LYRM1: variants seen among roughly 807,000 people sequenced by gnomAD.
LYRM1 encodes LYR motif containing 1.
Under a neutral mutation model 14.9 loss-of-function variants are expected in LYRM1, and 14 were observed. That is an observed-to-expected ratio of 0.94 (90% confidence interval 0.62 to 1.47). The LOEUF (loss-of-function observed/expected upper bound fraction) is 1.47. Among genes scored for constraint, LYRM1 ranks in the 40% most tolerant of loss-of-function variants. The probability of loss-of-function intolerance (pLI) is 0.00; values close to 1 mark genes in which losing one functional copy is unlikely to be tolerated. For synonymous variants in LYRM1, 43 were observed against 56.2 expected (o/e 0.77, Z 1.05); for missense variants, 153 against 149.9 (o/e 1.02, Z -0.11).
chr16:20,904,726 T>TGTGTGTGTGTGTGTG (rs1567442660), intron 1 of LYRM1, among the ~76,000 whole-genome samples: 17 of 151,438 alleles, frequency 1.1e-4, no homozygotes, highest in East Asian at 3.9e-4. Flanking sequence ...TGTGTGTGTG[T>TGTGTGTGTGTGTGTG]TTAATTGATA....
rs3841490 is a variant in LYRM1 at position 20,904,691 on chromosome 16, TTGTGTGTGTGTGTG to T, written c.-1+3824_-1+3837del. Among the ~76,000 whole-genome samples the T allele has an allele frequency of 7.8e-5, 11 of 141,148 alleles. No homozygotes were observed. In the East Asian group the frequency reaches 2.3e-3, roughly 29 times the overall value. The allele number at this position is 141,148 out of a possible 152,430, so 92.6% of individuals were successfully genotyped here. On this transcript the variant is annotated intron_variant, in intron 1 of 3. Transcript: ENST00000567954. ...TCTGAAACAGGAAATAAGTCTGTGG[TTGTGTGTGTGTGTG>T]TGTGTGTGTGTGTGTGTGTGTTTAA...
At chr16:20,910,222 A>G (rs1419174357) in intron 1 of LYRM1, among the ~76,000 whole-genome samples, 1 of 152,230 alleles carries the variant, frequency 6.6e-6, no homozygotes, top group Non-Finnish European at 1.5e-5. Flanking sequence ...CCAGTAAGAA[A>G]AGAACAAAAG....
At chr16:20,922,477 C>A (rs1300806990) in intron 3 of LYRM1, among the ~76,000 whole-genome samples, 1 of 151,882 alleles carries the variant, frequency 6.6e-6, no homozygotes, top group African/African-American at 2.4e-5. Flanking sequence ...TCTAGATACG[C>A]CTGAAAGGAG....
intron 2 of LYRM1, among the ~76,000 whole-genome samples, chr16:20,917,758 C>G (rs2152550547): frequency 6.6e-6 from 1 of 151,606 alleles, no homozygotes; most frequent in African/African-American, 2.4e-5. Context: ...ACTCTGTCAC[C>G]AAAAAAACCA....
chr16:20,921,475 C>T (rs2083185376), intron 3 of LYRM1: 1 of 152,054 alleles, frequency 6.6e-6, no homozygotes, highest in South Asian at 2.1e-4. Flanking sequence ...TTTCTGCTCA[C>T]TACAACCTCT....
intron 1 of LYRM1, among the ~76,000 whole-genome samples, chr16:20,910,433 G>A (rs775033687): frequency 3.3e-5 from 5 of 152,114 alleles, no homozygotes; most frequent in Admixed American, 2.0e-4. Flanking sequence ...ACACTTAAAC[G>A]TTAATTAAAG....
chr16:20,910,025 A>G (rs1284147662), intron 1 of LYRM1, among the ~76,000 whole-genome samples: 4 of 152,140 alleles, frequency 2.6e-5, no homozygotes, highest in Admixed American at 1.3e-4. Flanking sequence ...CCCCAACCCA[A>G]TGGGTGTGAG....
chr16:20,921,610 G>A (rs1429251927), intron 3 of LYRM1: 1 of 151,540 alleles, frequency 6.6e-6, no homozygotes, highest in Admixed American at 6.6e-5. Flanking sequence ...ATGTTGCCCA[G>A]GCTGGTCTTG....
chr16:20,915,734 A>G lies in LYRM1; in HGVS notation c.159+20A>G. On this transcript the variant is annotated intron_variant, in intron 2 of 3. Transcript: ENST00000567954. ...AAAAATGTAAGTAGGCCCCACTTGG[A>G]GATTGTGCAGAGGAGAGTTGTTCCT... 6.2e-7 allele frequency: 1 copy of G among 1,611,856 alleles called. No homozygotes were observed. Among genetic ancestry groups the G allele is most frequent in the African/African-American group, 1.3e-5 (1 of 74,944 alleles).
rs1446177595 is a variant in LYRM1, at chr16:20,924,204, A to G, written c.*88A>G. ...GCAAAACACTTCTTGATTAGGGGCAAAAATTCAAATGTCTTCTTAAAACCT... is the reference window on the plus strand; with the variant it reads ...GCAAAACACTTCTTGATTAGGGGCAGAAATTCAAATGTCTTCTTAAAACCT... On this transcript the variant is annotated 3_prime_UTR_variant, in exon 4 of 4. Transcript: ENST00000567954. 4.3e-6 allele frequency: 3 copies of G among 692,302 alleles called. No individual in the cohort carries two copies. The highest frequency in any genetic ancestry group is 1.8e-5 in the South Asian group (1 of 54,770). The allele number at this position is 692,302 out of a possible 1,614,324, so 42.9% of individuals were successfully genotyped here. A position where few individuals can be genotyped will look rare whatever the true frequency, so the allele number is the denominator to read the frequency against.
intron 1 of LYRM1, chr16:20,902,663 A>G (rs1412755286): frequency 1.3e-5 from 2 of 152,172 alleles, no homozygotes; most frequent in African/African-American, 4.8e-5. Context: ...TCCTGGCTCA[A>G]ATCTCTTCCC....
chr16:20,909,292 C>T (rs1168887599), intron 1 of LYRM1, among the ~76,000 whole-genome samples: 1 of 152,174 alleles, frequency 6.6e-6, no homozygotes, highest in Admixed American at 6.5e-5. Flanking sequence ...AGCTTCTAGT[C>T]CCATTTCTTT....
At chr16:20,905,193 T>C (rs2152529002) in intron 1 of LYRM1, among the ~76,000 whole-genome samples, 1 of 152,328 alleles carries the variant, frequency 6.6e-6, no homozygotes, top group South Asian at 2.1e-4. Context: ...TGTTTCCTCC[T>C]ATTCAGGTAA....
intron 1 of LYRM1, among the ~76,000 whole-genome samples, chr16:20,902,896 C>A (rs907600765): frequency 2.0e-5 from 3 of 152,166 alleles, no homozygotes; most frequent in African/African-American, 7.2e-5. Context: ...GCCATACAAT[C>A]CAACAGCTTC....
At chr16:20,903,719 G>A (rs1420236184) in intron 1 of LYRM1, among the ~76,000 whole-genome samples, 1 of 151,970 alleles carries the variant, frequency 6.6e-6, no homozygotes, top group African/African-American at 2.4e-5. Context: ...GTAGTTATTT[G>A]ATGGTGGAGG....
At chr16:20,900,680 G>A, upstream of LYRM1, 1 of 152,514 alleles carries the variant, frequency 6.6e-6, no homozygotes, top group Non-Finnish European at 1.5e-5. Context: ...GGATGCGGCG[G>A]GAGATGGGTA....
chr16:20,904,691 TTGTG>T (rs3841490), intron 1 of LYRM1, among the ~76,000 whole-genome samples: 55 of 141,148 alleles, frequency 3.9e-4, no homozygotes, highest in African/African-American at 1.4e-3. Context: ...AAGTCTGTGG[TTGTG>T]TGTGTGTGTG....
At chr16:20,904,187 T>G (rs1447021690) in intron 1 of LYRM1, among the ~76,000 whole-genome samples, 1 of 152,230 alleles carries the variant, frequency 6.6e-6, no homozygotes, top group Non-Finnish European at 1.5e-5. Flanking sequence ...ACTTTTCATT[T>G]AGAACTTCTA....
intron 3 of LYRM1, among the ~76,000 whole-genome samples, chr16:20,923,182 T>C (rs1046097612): frequency 3.9e-5 from 6 of 152,026 alleles, no homozygotes; most frequent in African/African-American, 4.8e-5. Context: ...TGGGCACCCA[T>C]TGCCAATCAG....
Sources: allele counts gnomAD v4.1 joint callset (sites outside exome capture counted in the v4.1 genomes callset), GRCh38; gene constraint gnomAD v4.1.1; transcripts MANE v1.5; gene names NCBI Gene and HGNC (gene_info 2026-07-23, HGNC 2026-07-21).